Variants in NAV2 observed in about 807,000 individuals in gnomAD.
NAV2 encodes neuron navigator 2.
In NAV2, 54 loss-of-function variants were observed where a neutral mutation model predicts 223.2. That is an observed-to-expected ratio of 0.24 (90% CI 0.19 to 0.30). The LOEUF (loss-of-function observed/expected upper bound fraction) is 0.30, where lower values mean the gene tolerates loss of function less well. Ranked by LOEUF, NAV2 falls within the 10% of genes least tolerant of loss-of-function variation. The pLI is 1.00. For missense variants in NAV2, 2,806 were observed against 3,147.5 expected, an observed-to-expected ratio of 0.89 and a Z score of 2.60; for synonymous variants, 1,279 against 1,239.3, an observed-to-expected ratio of 1.03 and a Z score of -0.67.
chr11:19,908,975 A>G (rs556882385), intron 6 of NAV2, among the ~76,000 whole-genome samples: 33 of 152,316 alleles, frequency 2.2e-4, no homozygotes, highest in African/African-American at 7.2e-4. Context: ...TGAGGATACT[A>G]AAAACCATTG....
chr11:19,454,702 G>A (rs111780826), intron 1 of NAV2, among the ~76,000 whole-genome samples: 5 of 152,302 alleles, frequency 3.3e-5, no homozygotes, highest in African/African-American at 7.2e-5. Context: ...GACTGTAACC[G>A]TGAATTAATG....
At chr11:19,553,493 T>C (rs11025183) in intron 1 of NAV2, among the ~76,000 whole-genome samples, 33,996 of 148,460 alleles carry the variant, frequency 0.23, 4,156 homozygotes, top group East Asian at 0.47. Flanking sequence ...TGAGCACCAA[T>C]ATACAGTAAT....
intron 1 of NAV2, among the ~76,000 whole-genome samples, chr11:19,828,423 T>A (rs796822289): frequency 0.037 from 3,254 of 88,792 alleles, no homozygotes; most frequent in African/African-American, 0.048. Flanking sequence ...GGTACCTCTG[T>A]AAGTGGAAAC....
intron 3 of NAV2, among the ~76,000 whole-genome samples, chr11:19,862,690 T>C (rs957179029): frequency 6.6e-6 from 1 of 152,168 alleles, no homozygotes; most frequent in Non-Finnish European, 1.5e-5. Flanking sequence ...TATGGAGCTG[T>C]GCATCTCCAG....
At chr11:20,093,055 G>A (rs781222633) in intron 28 of NAV2, 44 bp from the exon 29 acceptor site, 1 of 1,461,696 alleles carries the variant, frequency 6.8e-7, no homozygotes, top group Non-Finnish European at 9.5e-7. Context: ...AGCTGGCTTT[G>A]CTGTCCCCAT....
chr11:19,604,819 T>C (rs969005894), intron 1 of NAV2, among the ~76,000 whole-genome samples: 19 of 152,172 alleles, frequency 1.2e-4, no homozygotes, highest in African/African-American at 4.6e-4. Flanking sequence ...GGGTCTTTCC[T>C]GCACTTTCTT....
chr11:19,908,532 C>T (rs770964313), intron 6 of NAV2, among the ~76,000 whole-genome samples: 5 of 152,256 alleles, frequency 3.3e-5, no homozygotes, highest in South Asian at 2.1e-4. Flanking sequence ...AAATAGCCTA[C>T]GCTCTGTGCT....
chr11:19,560,067 T>C (rs912916819), intron 1 of NAV2, among the ~76,000 whole-genome samples: 2 of 152,204 alleles, frequency 1.3e-5, no homozygotes. Flanking sequence ...AGAATTGCAT[T>C]TGGTGGTTTT....
At chr11:19,508,463 C>T (rs2043186593) in intron 1 of NAV2, among the ~76,000 whole-genome samples, 1 of 152,202 alleles carries the variant, frequency 6.6e-6, no homozygotes, top group South Asian at 2.1e-4. Flanking sequence ...ACCTTCTCTC[C>T]TCAGGGCCTT....
At chr11:19,965,389 A>G (rs1274558208) in intron 10 of NAV2, among the ~76,000 whole-genome samples, 4 of 149,806 alleles carry the variant, frequency 2.7e-5, no homozygotes, top group African/African-American at 9.8e-5. Flanking sequence ...TCCACCATCC[A>G]TTTTTTTTTC....
intron 22 of NAV2, among the ~76,000 whole-genome samples, chr11:20,071,870 A>G (rs566868323): frequency 1.3e-5 from 2 of 152,302 alleles, no homozygotes; most frequent in South Asian, 4.1e-4. Context: ...ATAGATTGCA[A>G]AAATTTTCTT....
intron 4 of NAV2, among the ~76,000 whole-genome samples, chr11:19,879,565 G>A (rs1041258816): frequency 1.3e-5 from 2 of 152,184 alleles, no homozygotes; most frequent in Admixed American, 6.5e-5. Context: ...TCCCCTGCCT[G>A]TAGAACAAGC....
At chr11:19,848,469 T>C (rs1276957590) in intron 3 of NAV2, among the ~76,000 whole-genome samples, 1 of 152,186 alleles carries the variant, frequency 6.6e-6, no homozygotes, top group Non-Finnish European at 1.5e-5. Context: ...CCTCAGTCTC[T>C]TTTCTGTGAA....
chr11:20,076,793 A>G (rs2059783200), intron 22 of NAV2, among the ~76,000 whole-genome samples: 1 of 152,212 alleles, frequency 6.6e-6, no homozygotes, highest in African/African-American at 2.4e-5. Flanking sequence ...TGAAAATTAG[A>G]TGCTATTTTA....
At chr11:19,677,531 G>A (rs149028596) in intron 1 of NAV2, among the ~76,000 whole-genome samples, 1 of 152,270 alleles carries the variant, frequency 6.6e-6, no homozygotes, top group Non-Finnish European at 1.5e-5. Context: ...CACACAGCTT[G>A]TCAGTCATAG....
At chr11:19,534,822 A>C (rs1224264802) in intron 1 of NAV2, among the ~76,000 whole-genome samples, 2 of 152,212 alleles carry the variant, frequency 1.3e-5, no homozygotes, top group Non-Finnish European at 2.9e-5. Context: ...AATGTAGACT[A>C]GTAGTTAAGA....
chr11:19,524,843 A>G (rs1018508158), intron 1 of NAV2, among the ~76,000 whole-genome samples: 3 of 152,078 alleles, frequency 2.0e-5, no homozygotes, highest in Non-Finnish European at 4.4e-5. Context: ...GCTTTCTACA[A>G]TTGTTATTTA....
chr11:19,875,154 C>T (rs2062761422), intron 4 of NAV2, among the ~76,000 whole-genome samples: 1 of 152,178 alleles, frequency 6.6e-6, no homozygotes, highest in South Asian at 2.1e-4. Flanking sequence ...GAGACTCTGT[C>T]TCAAAACGAA....
At chr11:19,705,195 G>C (rs1389009822) in intron 1 of NAV2, among the ~76,000 whole-genome samples, 1 of 152,078 alleles carries the variant, frequency 6.6e-6, no homozygotes, top group Non-Finnish European at 1.5e-5. Context: ...AACAAACCTT[G>C]CATGTCAGAT....
Sources: allele counts gnomAD v4.1 joint callset (sites outside exome capture counted in the v4.1 genomes callset), GRCh38; gene constraint gnomAD v4.1.1; transcripts MANE v1.5; gene names NCBI Gene and HGNC (gene_info 2026-07-23, HGNC 2026-07-21).